Variants in RAB12 observed in about 807,000 individuals in gnomAD.
RAB12 encodes RAB12, member RAS oncogene family.
A neutral mutation model predicts 28.4 loss-of-function variants in RAB12; 11 were observed. The observed-to-expected ratio is 0.39, with a 90% CI of 0.24 to 0.64. The LOEUF (loss-of-function observed/expected upper bound fraction) is 0.64. Among genes scored for constraint, RAB12 ranks in the 30% least tolerant of loss-of-function variants. The probability of loss-of-function intolerance (pLI) is 0.50; values close to 1 mark genes in which losing one functional copy is unlikely to be tolerated. For missense variants in RAB12, 276 were observed against 351.1 expected (o/e 0.79, Z 1.71); for synonymous variants, 138 against 145.3 (o/e 0.95, Z 0.36).
intron 1 of RAB12, among the ~76,000 whole-genome samples, chr18:8,612,199 G>C (rs1332473482): frequency 2.6e-5 from 4 of 152,218 alleles, no homozygotes; most frequent in Non-Finnish European, 4.4e-5. Flanking sequence ...GATGTGTATG[G>C]GTATTTGGGA....
Position 8,638,128 on chromosome 18 carries a change from TTTTG to T in RAB12, c.910-13_910-10del, listed in dbSNP as rs542697781. On this transcript the variant is annotated splice_polypyrimidine_tract_variant and intron_variant, in intron 5 of 5. Transcript: ENST00000649141. The stretch of plus-strand genomic sequence containing the variant: ...CCTTGTAAAGTTAAAACGGATTTTT[TTTTG>T]TTTGTTTATACGTTAGATGCCTCTG... The T allele has an allele frequency of 1.0e-4, 159 of 1,547,166 alleles. 2 individuals carry two copies. In the South Asian group the frequency reaches 1.6e-3, roughly 16 times the overall value.
intron 1 of RAB12, among the ~76,000 whole-genome samples, chr18:8,613,349 C>G (rs879941733): frequency 6.6e-6 from 1 of 152,204 alleles, no homozygotes. Context: ...AACTAACATG[C>G]CTGGTCCACT....
At chr18:8,636,203 C>CA (rs766905745) in intron 4 of RAB12, 50 bp from the exon 5 acceptor site, 60 of 1,259,060 alleles carry the variant, frequency 4.8e-5, no homozygotes, top group Non-Finnish European at 6.6e-5. Context: ...TGCTCGCACG[C>CA]TGGTCTGTGA....
At chr18:8,631,033 C>T (rs1193602821) in intron 2 of RAB12, among the ~76,000 whole-genome samples, 3 of 152,226 alleles carry the variant, frequency 2.0e-5, no homozygotes, top group African/African-American at 7.2e-5. Flanking sequence ...AGATTACAGG[C>T]ATCTGCCATC....
intron 2 of RAB12, 81 bp from the exon 3 acceptor site, chr18:8,633,108 T>C (rs2096016938): frequency 6.4e-7 from 1 of 1,555,390 alleles, no homozygotes; most frequent in Non-Finnish European, 8.8e-7. Flanking sequence ...AACTGCAGCA[T>C]ATAATCTATG....
intron 1 of RAB12, among the ~76,000 whole-genome samples, chr18:8,619,670 C>G (rs2096008652): frequency 6.6e-6 from 1 of 152,162 alleles, no homozygotes; most frequent in African/African-American, 2.4e-5. Context: ...GCTTCTCTGT[C>G]ATGTGGTATG....
intron 2 of RAB12, among the ~76,000 whole-genome samples, chr18:8,626,807 C>G (rs2096012954): frequency 6.6e-6 from 1 of 152,202 alleles, no homozygotes; most frequent in South Asian, 2.1e-4. Flanking sequence ...CTTTTTCATT[C>G]TCTAAATCTG....
chr18:8,615,130 G>A (rs1013254812), intron 1 of RAB12, among the ~76,000 whole-genome samples: 10 of 152,180 alleles, frequency 6.6e-5, no homozygotes, highest in Non-Finnish European at 1.2e-4. Context: ...TAGTGCGAGT[G>A]ACTCCGTTTC....
intron 4 of RAB12, 194 bp from the exon 5 acceptor site, chr18:8,636,059 T>G: frequency 1.8e-6 from 1 of 556,204 alleles, no homozygotes; most frequent in Non-Finnish European, 3.2e-6. Flanking sequence ...TTCAGGATTT[T>G]TATTGTCTTT....
At chr18:8,613,868 T>TA (rs397790170) in intron 1 of RAB12, among the ~76,000 whole-genome samples, 47 of 151,866 alleles carry the variant, frequency 3.1e-4, no homozygotes, top group African/African-American at 9.2e-4. Context: ...GTAGTAGTAG[T>TA]GGTCACTGCT....
chr18:8,623,060 C>T (rs2096010786), intron 1 of RAB12, among the ~76,000 whole-genome samples: 1 of 152,110 alleles, frequency 6.6e-6, no homozygotes, highest in South Asian at 2.1e-4. Context: ...CACACATGCT[C>T]TACAATTTGT....
intron 1 of RAB12, among the ~76,000 whole-genome samples, chr18:8,623,343 G>A (rs1416731287): frequency 1.1e-4 from 17 of 152,212 alleles, no homozygotes; most frequent in Admixed American, 1.1e-3. Context: ...GCTTCAGCTG[G>A]TCCCTCCGTT....
rs114060595 is a variant in RAB12 at position 8,638,794 on chromosome 18, G to T, written c.*532G>T. The T allele has an allele frequency of 9.1e-3, 1,387 of 153,192 alleles. 18 individuals carry two copies. The highest frequency in any genetic ancestry group is 0.029 in the African/African-American group (1,215 of 41,534). The allele number at this position is 153,192 out of a possible 1,614,324, so 9.5% of individuals were successfully genotyped here. The stretch of plus-strand genomic sequence containing the variant: ...GCAAAGCTCCATTCATGGCCGTCAT[G>T]GAAGGTTATTTATTAATGTTACATA... On this transcript the variant is annotated 3_prime_UTR_variant, in exon 6 of 6. Coordinates refer to ENST00000649141, the MANE Select transcript of RAB12 (RefSeq NM_001025300.3).
chr18:8,636,311 A>G lies in RAB12; in HGVS notation c.863A>G (p.Asn288Ser), dbSNP rs1317641799. Residue 288 changes from asparagine to serine, a missense_variant, in exon 5 of 6, where the codon AAT becomes AGT. Asn to Ser is a conservative substitution (Grantham distance 46). Transcript: ENST00000649141. ...FCEASAKDNFNVDEIFLKLVD... is the reference protein window; with the variant it reads ...FCEASAKDNFSVDEIFLKLVD... ...GAAGCAAGTGCCAAGGATAACTTCA[A>G]TGTGGACGAGATATTTTTGAAACTT... 14 of 1,612,842 alleles carry G rather than the reference A, an allele frequency of 8.7e-6. No individual in the cohort carries two copies. The highest frequency in any genetic ancestry group is 1.1e-5 in the Non-Finnish European group (13 of 1,179,422).
Position 8,624,433 on chromosome 18 carries a change from A to C in RAB12, c.515-505A>C, listed in dbSNP as rs185241231. 3.0e-3 allele frequency among the ~76,000 whole-genome samples: 463 copies of C among 152,334 alleles called. 5 individuals are homozygous for C. Among genetic ancestry groups the C allele is most frequent in the African/African-American group, 0.011 (439 of 41,582 alleles). Reference sequence around the variant, plus strand: ...TTTTAAAATCTTCTCACTGTTGATCATATAATGTTATGTTTATATTTACCT... The same window carrying C: ...TTTTAAAATCTTCTCACTGTTGATCCTATAATGTTATGTTTATATTTACCT... On this transcript the variant is annotated intron_variant, in intron 1 of 5. Transcript: ENST00000649141.
At chr18:8,621,690 G>T (rs922706051) in intron 1 of RAB12, among the ~76,000 whole-genome samples, 30 of 152,156 alleles carry the variant, frequency 2.0e-4, no homozygotes, top group African/African-American at 7.0e-4. Flanking sequence ...GTGTCATGGG[G>T]GTTTGGTGTA....
chr18:8,621,751 T>C (rs925655832), intron 1 of RAB12, among the ~76,000 whole-genome samples: 2 of 152,184 alleles, frequency 1.3e-5, no homozygotes, highest in African/African-American at 4.8e-5. Context: ...TAGGTAGTTT[T>C]TCAGTCCTCT....
At chr18:8,610,001 A>T in intron 1 of RAB12, 48 bp downstream of exon 1, 1 of 1,465,442 alleles carries the variant, frequency 6.8e-7, no homozygotes, top group Non-Finnish European at 9.5e-7. Flanking sequence ...GCGCCCGGGC[A>T]GGTGCCCTTC....
intron 1 of RAB12, among the ~76,000 whole-genome samples, chr18:8,614,314 A>G (rs1011509687): frequency 5.9e-5 from 9 of 152,112 alleles, no homozygotes; most frequent in African/African-American, 1.7e-4. Flanking sequence ...TTTTTAATCT[A>G]TATATTCCAT....
Sources: allele counts gnomAD v4.1 joint callset (sites outside exome capture counted in the v4.1 genomes callset), GRCh38; gene constraint gnomAD v4.1.1; transcripts MANE v1.5; gene names NCBI Gene and HGNC (gene_info 2026-07-23, HGNC 2026-07-21).